Variants in LRRC4B observed in about 807,000 individuals in gnomAD.
The protein encoded by LRRC4B is leucine-rich repeat-containing protein 4B.
A neutral mutation model predicts 7.3 loss-of-function variants in LRRC4B; 1 was observed. The ratio of observed to expected loss-of-function variants is 0.14; its 90% CI spans 0.05 to 0.65. The LOEUF (loss-of-function observed/expected upper bound fraction) is 0.65, where lower values mean the gene tolerates loss of function less well. Among genes scored for constraint, LRRC4B ranks in the 30% least tolerant of loss-of-function variants. LRRC4B has a pLI of 0.84. For missense variants in LRRC4B, 730 were observed against 1,041.6 expected, an observed-to-expected ratio of 0.70 and a Z score of 4.12; for synonymous variants, 500 against 499.2, an observed-to-expected ratio of 1.00 and a Z score of -0.02.
At chr19:50,546,604 C>T (rs1001835087) in intron 2 of LRRC4B, among the ~76,000 whole-genome samples, 2 of 152,150 alleles carry the variant, frequency 1.3e-5, no homozygotes, top group Non-Finnish European at 2.9e-5. Context: ...TTGACAATGT[C>T]CACCTTGGGT....
At chr19:50,540,208 T>TCCGCAACCCCTAGGCCACAGA (rs1331355693) in intron 2 of LRRC4B, among the ~76,000 whole-genome samples, 2 of 152,064 alleles carry the variant, frequency 1.3e-5, no homozygotes, top group Non-Finnish European at 2.9e-5. Context: ...AACCCAGGGG[T>TCCGCAACCCCTAGGCCACAGA]CCGCAACCCC....
chr19:50,544,242 C>T (rs1391575396), intron 2 of LRRC4B, among the ~76,000 whole-genome samples: 2 of 150,056 alleles, frequency 1.3e-5, no homozygotes, highest in Non-Finnish European at 3.0e-5. Context: ...CGCAGTGGCT[C>T]ATGCCTGTAA....
chr19:50,553,254 C>T lies in LRRC4B; in HGVS notation c.-35-4381G>A, dbSNP rs773071599. Reference sequence around the variant, plus strand: ...ACCCCCACTCCCCGTGCGTTCCCCACGGGCAGCGAGGGGTATCCTGTCAAC... The same window carrying T: ...ACCCCCACTCCCCGTGCGTTCCCCATGGGCAGCGAGGGGTATCCTGTCAAC... On this transcript the variant is annotated intron_variant, in intron 1 of 2. Transcript: ENST00000652263. The surrounding 1 kb of genome is among the most constrained non-coding windows in gnomAD (Gnocchi z 4.2). Among the ~76,000 whole-genome samples the T allele has an allele frequency of 2.5e-4, 38 of 152,242 alleles. No homozygotes were observed. The highest frequency in any genetic ancestry group is 2.1e-3 in the East Asian group (11 of 5,170).
intron 2 of LRRC4B, among the ~76,000 whole-genome samples, chr19:50,525,216 C>T (rs192159848): frequency 1.2e-4 from 18 of 152,234 alleles, no homozygotes; most frequent in East Asian, 1.9e-4. Context: ...ACTCTTACCA[C>T]GAGGAGGATG....
At chr19:50,557,260 G>A (rs8099902) in intron 1 of LRRC4B, among the ~76,000 whole-genome samples, 3,449 of 152,304 alleles carry the variant, frequency 0.023, 144 homozygotes, top group African/African-American at 0.078. Context: ...AGCCAGAAGA[G>A]GATGTGGGGC....
At chr19:50,566,510 G>A (rs1273112303) in intron 1 of LRRC4B, among the ~76,000 whole-genome samples, 1 of 151,316 alleles carries the variant, frequency 6.6e-6, no homozygotes, top group African/African-American at 2.4e-5. Context: ...AGGGGAGGGC[G>A]CCTAGGAGGA....
At chr19:50,529,472 G>A (rs1004266677) in intron 2 of LRRC4B, among the ~76,000 whole-genome samples, 4 of 152,114 alleles carry the variant, frequency 2.6e-5, no homozygotes, top group African/African-American at 7.2e-5. Context: ...GGTCATCACT[G>A]ATCGCTAGGC....
At chr19:50,565,567 G>A (rs1982603046) in intron 1 of LRRC4B, among the ~76,000 whole-genome samples, 1 of 147,736 alleles carries the variant, frequency 6.8e-6, no homozygotes, top group Admixed American at 6.7e-5. Flanking sequence ...GTGTGTACCT[G>A]CCAGGGGAAT....
chr19:50,564,904 A>G (rs1982579549), intron 1 of LRRC4B, among the ~76,000 whole-genome samples: 1 of 150,798 alleles, frequency 6.6e-6, no homozygotes. Flanking sequence ...AACCCACAGC[A>G]CCTCTGCCTG....
chr19:50,540,666 T>G (rs1172196624), intron 2 of LRRC4B, among the ~76,000 whole-genome samples: 4 of 151,706 alleles, frequency 2.6e-5, no homozygotes, highest in Non-Finnish European at 5.9e-5. Flanking sequence ...AGCATTAGAT[T>G]CTCATAGGAA....
At chr19:50,520,518 T>C (rs1980530267) in intron 2 of LRRC4B, among the ~76,000 whole-genome samples, 1 of 151,546 alleles carries the variant, frequency 6.6e-6, no homozygotes, top group Non-Finnish European at 1.5e-5. Flanking sequence ...TAATCCCAGC[T>C]ACTTGGGAGG....
At chr19:50,558,232 C>CAT (rs780204475) in intron 1 of LRRC4B, among the ~76,000 whole-genome samples, 5 of 147,540 alleles carry the variant, frequency 3.4e-5, no homozygotes, top group East Asian at 1.9e-4. Context: ...CACACATACA[C>CAT]ACACACATAC....
In LRRC4B at chr19:50,519,854, CA is replaced by C. The variant is rs1568715720; in HGVS notation, c.298-440del. 6.8e-6 allele frequency among the ~76,000 whole-genome samples: 1 copy of C among 147,674 alleles called. No homozygotes were observed. The highest frequency in any genetic ancestry group is 2.5e-5 in the African/African-American group (1 of 39,846). On this transcript the variant is annotated intron_variant, in intron 2 of 2. Transcript: ENST00000652263. This position sits in a 1 kb window ranked among gnomAD's most constrained non-coding sequence, Gnocchi z 8.1. ...TGCCACTGCACTCCTGCCTGGGCAACAGAGCAAGACTCCATGTAGAAACAAA... is the reference window on the plus strand; with the variant it reads ...TGCCACTGCACTCCTGCCTGGGCAACGAGCAAGACTCCATGTAGAAACAAA...
intron 2 of LRRC4B, among the ~76,000 whole-genome samples, chr19:50,520,356 A>G (rs1232617583): frequency 1.3e-5 from 2 of 151,616 alleles, no homozygotes; most frequent in African/African-American, 2.4e-5. Context: ...ACGGCCAGGC[A>G]TGGTGGCTAA....
chr19:50,552,808 C>G (rs1231033129), intron 1 of LRRC4B, among the ~76,000 whole-genome samples: 1 of 152,234 alleles, frequency 6.6e-6, no homozygotes, highest in Non-Finnish European at 1.5e-5. Context: ...TTCCATCCAT[C>G]TGTCCAACAA....
chr19:50,520,203 CAAAAAAAAAAAAAAAAAAAAAAAAAA>C (rs1173919963), intron 2 of LRRC4B, among the ~76,000 whole-genome samples: 2 of 9,368 alleles, frequency 2.1e-4, no homozygotes, highest in African/African-American at 4.6e-4. Flanking sequence ...AATACCCTGT[CAAAAAAAAAAAAAAAAAAAAAAAAAA>C]AAAAAAAAAA....
At position 50,568,421 on chromosome 19, in the gene LRRC4B, C is replaced by CGGGAGCGGAATACTGATGATGGT. The variant is rs1568741166; in HGVS notation, c.-514_-513insACCATCATCAGTATTCCGCTCCC. Among the ~76,000 whole-genome samples the CGGGAGCGGAATACTGATGATGGT allele has an allele frequency of 1.5e-5, 2 of 134,814 alleles. No homozygotes were observed. The highest frequency in any genetic ancestry group is 3.1e-5 in the Non-Finnish European group (2 of 63,902). The allele number at this position is 134,814 out of a possible 152,430, so 88.4% of individuals were successfully genotyped here. On this transcript the variant is annotated 5_prime_UTR_variant, in exon 1 of 3. Transcript: ENST00000652263. The stretch of plus-strand genomic sequence containing the variant: ...CGAGAGCAGCCGAGAGCGGCGGAGA[C>CGGGAGCGGAATACTGATGATGGT]GGGAGCGGAATACTGATGATGGTGG...
rs1440978672 is a variant in LRRC4B at position 50,518,580 on chromosome 19, C to G, written c.1133G>C (p.Gly378Ala). The G allele has an allele frequency of 6.3e-7, 1 of 1,593,880 alleles. No homozygotes were observed. The highest frequency in any genetic ancestry group is 8.6e-7 in the Non-Finnish European group (1 of 1,167,746). ...EPPTDLNVTE[G>A]MAAELKCRTG... ...GCGGCATTTGAGCTCGGCAGCCATG[C>G]CCTCGGTGACGTTGAGGTCCGTGGG... Residue 378 changes from glycine to alanine, a missense_variant, in exon 3 of 3, where the codon GGC becomes GCC. Physicochemically the swap from Gly to Ala is moderately conservative, Grantham distance 60. Around this residue, in one of 6 missense-constraint regions of LRRC4B, gnomAD observed 226 missense variants for 448.0 expected, o/e 0.50. Coordinates refer to ENST00000652263, the MANE Select transcript of LRRC4B (RefSeq NM_001080457.2).
chr19:50,561,554 T>C (rs1568738130), intron 1 of LRRC4B, among the ~76,000 whole-genome samples: 1 of 151,968 alleles, frequency 6.6e-6, no homozygotes, highest in African/African-American at 2.4e-5. Flanking sequence ...GGCAACATAG[T>C]GAGAACCCCC....
Sources: allele counts gnomAD v4.1 joint callset (sites outside exome capture counted in the v4.1 genomes callset), GRCh38; gene constraint gnomAD v4.1.1; regional missense constraint gnomAD v4.1.1; non-coding constraint Gnocchi (gnomAD v3.1); transcripts MANE v1.5; gene names NCBI Gene and HGNC (gene_info 2026-07-23, HGNC 2026-07-21).